Variants in EIF4G3 observed in about 807,000 individuals in gnomAD.
EIF4G3 encodes eukaryotic translation initiation factor 4 gamma 3, also known as eIF-4-gamma 3.
A neutral mutation model predicts 186.4 loss-of-function variants in EIF4G3; 34 were observed. That is an observed-to-expected ratio of 0.18 (90% CI 0.14 to 0.24). EIF4G3 has a LOEUF of 0.24. EIF4G3 is among the 10% of genes least tolerant of loss of function. The probability of loss-of-function intolerance (pLI) is 1.00; values close to 1 mark genes in which losing one functional copy is unlikely to be tolerated. For missense variants in EIF4G3, 1,536 were observed against 1,948.5 expected (o/e 0.79, Z 3.99); for synonymous variants, 673 against 679.5 (o/e 0.99, Z 0.15).
intron 2 of EIF4G3, among the ~76,000 whole-genome samples, chr1:21,159,079 T>C (rs1420264058): frequency 6.6e-6 from 1 of 152,114 alleles, no homozygotes; most frequent in Non-Finnish European, 1.5e-5. Context: ...TCTAATAACA[T>C]ATTAACAAGA....
At chr1:20,813,386 G>T in intron 34 of EIF4G3, 147 bp from the exon 35 acceptor site, 1 of 141,050 alleles carries the variant, frequency 7.1e-6, no homozygotes, top group Non-Finnish European at 1.3e-5. Flanking sequence ...AATATAGTAA[G>T]ACCCTATCTC....
intron 4 of EIF4G3, among the ~76,000 whole-genome samples, chr1:21,021,430 A>C (rs2090651062): frequency 6.6e-6 from 1 of 152,218 alleles, no homozygotes; most frequent in Non-Finnish European, 1.5e-5. Flanking sequence ...TTTCTCAGAC[A>C]ATGAGCAGAT....
At chr1:20,952,726 G>A (rs1259255119) in intron 12 of EIF4G3, among the ~76,000 whole-genome samples, 3 of 152,030 alleles carry the variant, frequency 2.0e-5, no homozygotes, top group African/African-American at 7.2e-5. Context: ...GCAGGTGCCT[G>A]TTAATTCCAG....
At chr1:21,040,951 G>A (rs762144754) in intron 4 of EIF4G3, among the ~76,000 whole-genome samples, 5 of 151,460 alleles carry the variant, frequency 3.3e-5, no homozygotes, top group Admixed American at 6.6e-5. Flanking sequence ...CCTCACTTCT[G>A]ATTTTTTTTT....
At chr1:21,103,979 G>A (rs1021637911) in intron 2 of EIF4G3, among the ~76,000 whole-genome samples, 9 of 152,088 alleles carry the variant, frequency 5.9e-5, no homozygotes, top group African/African-American at 1.9e-4. Context: ...CATTTCTAAC[G>A]TTATCCCTTA....
chr1:20,903,754 A>G lies in EIF4G3; in HGVS notation c.1752+1129T>C, dbSNP rs115810804. ...AACCAAGGGGTACTGTTAGATACCCAAAGAAGGTAAGAATTATAACTTGCT... is the reference window on the plus strand; with the variant it reads ...AACCAAGGGGTACTGTTAGATACCCGAAGAAGGTAAGAATTATAACTTGCT... On this transcript the variant is annotated intron_variant, in intron 15 of 36. Coordinates refer to ENST00000602326, the MANE Select transcript of EIF4G3 (RefSeq NM_001391906.1). 9.0e-3 allele frequency among the ~76,000 whole-genome samples: 1,378 copies of G among 152,344 alleles called. 26 individuals carry two copies. Among genetic ancestry groups the G allele is most frequent in the African/African-American group, 0.032 (1,324 of 41,570 alleles).
At chr1:21,149,594 A>G (rs947991148) in intron 2 of EIF4G3, among the ~76,000 whole-genome samples, 1 of 152,268 alleles carries the variant, frequency 6.6e-6, no homozygotes, top group Non-Finnish European at 1.5e-5. Context: ...AACTCACCCC[A>G]TCCAAATGGC....
intron 3 of EIF4G3, among the ~76,000 whole-genome samples, chr1:21,067,333 G>A (rs528935884): frequency 1.6e-4 from 25 of 151,774 alleles, no homozygotes; most frequent in Admixed American, 4.6e-4. Flanking sequence ...GGTTTTCACC[G>A]TGTTGGCCAG....
At chr1:20,821,853 T>C (rs2062453798) in intron 33 of EIF4G3, among the ~76,000 whole-genome samples, 1 of 147,848 alleles carries the variant, frequency 6.8e-6, no homozygotes, top group Non-Finnish European at 1.5e-5. Context: ...CCACCTTACA[T>C]TTCTAGGATA....
At chr1:21,160,966 T>G (rs1424098048) in intron 2 of EIF4G3, among the ~76,000 whole-genome samples, 4 of 151,980 alleles carry the variant, frequency 2.6e-5, no homozygotes, top group Non-Finnish European at 4.4e-5. Context: ...AGGTCGGGAG[T>G]TCGTGACCAG....
chr1:20,845,388 C>T (rs934970586), intron 29 of EIF4G3, among the ~76,000 whole-genome samples: 18 of 152,058 alleles, frequency 1.2e-4, no homozygotes, highest in Non-Finnish European at 2.2e-4. Flanking sequence ...GTAGGCTGGG[C>T]GCGGTGGCTC....
chr1:20,913,766 T>C (rs1176851310), intron 14 of EIF4G3, among the ~76,000 whole-genome samples: 2 of 151,784 alleles, frequency 1.3e-5, no homozygotes, highest in East Asian at 1.9e-4. Flanking sequence ...CTTTTAATAA[T>C]TTCTTAAGAT....
rs534689841 is a variant in EIF4G3 at position 20,976,319 on chromosome 1, C to T, written c.494-3220G>A. On this transcript the variant is annotated intron_variant, in intron 10 of 36. Transcript: ENST00000602326. Reference sequence around the variant, plus strand: ...TTAGGTATATCTCCTAATGCTATCCCTCCCCCTTCCCCCCACCCCACAACA... The same window carrying T: ...TTAGGTATATCTCCTAATGCTATCCTTCCCCCTTCCCCCCACCCCACAACA... 1.6e-4 allele frequency among the ~76,000 whole-genome samples: 24 copies of T among 151,114 alleles called. No individual in the cohort carries two copies. In the East Asian group the frequency reaches 4.3e-3, roughly 27 times the overall value.
intron 19 of EIF4G3, among the ~76,000 whole-genome samples, chr1:20,882,477 C>T (rs952564284): frequency 2.0e-5 from 3 of 151,740 alleles, no homozygotes; most frequent in Non-Finnish European, 4.4e-5. Flanking sequence ...AAAAATTAGC[C>T]GGGCATGGTG....
At chr1:20,965,011 C>T (rs1238359402) in intron 12 of EIF4G3, among the ~76,000 whole-genome samples, 1 of 152,190 alleles carries the variant, frequency 6.6e-6, no homozygotes, top group African/African-American at 2.4e-5. Context: ...CTATCAGCCT[C>T]CCATCAGCAC....
intron 11 of EIF4G3, among the ~76,000 whole-genome samples, chr1:20,970,161 G>C (rs1204739564): frequency 6.6e-6 from 1 of 151,984 alleles, no homozygotes. Context: ...ATAATTCTCT[G>C]AAGTTCTTTA....
chr1:21,072,491 C>T (rs564445259), intron 3 of EIF4G3, among the ~76,000 whole-genome samples: 1 of 152,268 alleles, frequency 6.6e-6, no homozygotes, highest in Non-Finnish European at 1.5e-5. Context: ...GCAAGTGCTG[C>T]CTCCCAGGTT....
chr1:21,121,441 C>A (rs956234099), intron 2 of EIF4G3, among the ~76,000 whole-genome samples: 4 of 151,980 alleles, frequency 2.6e-5, no homozygotes, highest in African/African-American at 4.8e-5. Flanking sequence ...AAGAAATATG[C>A]GAACTGAGTA....
Position 20,941,946 on chromosome 1 carries a change from A to G in EIF4G3, c.1208T>C (p.Ile403Thr). ...KKPCSVAPND[I>T]PLVSSTNLIN... ...TAGGTTAGTACTAGAAACCAGTGGA[A>G]TATCATTAGGTGCTACACTACAGGG... Residue 403 changes from isoleucine (I) to threonine (T), a missense_variant, in exon 14 of 37, where the codon ATT becomes ACT. Transcript: ENST00000602326. The G allele has an allele frequency of 1.9e-6, 3 of 1,614,168 alleles. No individual in the cohort carries two copies. The highest frequency in any genetic ancestry group is 1.1e-5 in the South Asian group (1 of 91,080).
Sources: allele counts gnomAD v4.1 joint callset (sites outside exome capture counted in the v4.1 genomes callset), GRCh38; gene constraint gnomAD v4.1.1; transcripts MANE v1.5; gene names NCBI Gene and HGNC (gene_info 2026-07-23, HGNC 2026-07-21).